Variants in ATF6 observed in about 807,000 individuals in gnomAD.
ATF6 encodes the protein activating transcription factor 6, also known as cyclic AMP-dependent transcription factor ATF-6 alpha.
In ATF6, 53 loss-of-function variants were observed where a neutral mutation model predicts 83.6. That is an observed-to-expected ratio of 0.63 (90% CI 0.51 to 0.80). The LOEUF (loss-of-function observed/expected upper bound fraction) is 0.80, where lower values mean the gene tolerates loss of function less well. Among genes scored for constraint, ATF6 ranks in the 30% least tolerant of loss-of-function variants. ATF6 has a pLI of 0.00. For missense variants in ATF6, 744 were observed against 797.9 expected (o/e 0.93, Z 0.81); for synonymous variants, 288 against 285.8 (o/e 1.01, Z -0.08).
intron 1 of ATF6, among the ~76,000 whole-genome samples, chr1:161,770,624 T>A (rs4657102): frequency 0.13 from 20,002 of 152,210 alleles, 1,826 homozygotes; most frequent in East Asian, 0.31. Flanking sequence ...TCCTAAAGAC[T>A]GTATCTCTCG....
chr1:161,906,856 A>G (rs1461884926), intron 14 of ATF6, among the ~76,000 whole-genome samples: 2 of 152,206 alleles, frequency 1.3e-5, no homozygotes, highest in Non-Finnish European at 2.9e-5. Context: ...AGCTATTTAT[A>G]TGAACTATTT....
Position 161,963,390 on chromosome 1 carries a change from G to T in ATF6, c.*4736G>T, listed in dbSNP as rs1330081930. 4 of 152,302 alleles carry T rather than the reference G, an allele frequency of 2.6e-5. No homozygotes were observed. The East Asian group carries it at 7.7e-4, about 29-fold the overall frequency. 9.4% of individuals were successfully genotyped at this position (152,302 alleles called of 1,614,324 possible). A position where few individuals can be genotyped will look rare whatever the true frequency, so the allele number is the denominator to read the frequency against. ...ATGGCCAGCCACTGTCACATAGTGGGTGCCATTCTCAACATATTGGTTTGC... is the reference window on the plus strand; with the variant it reads ...ATGGCCAGCCACTGTCACATAGTGGTTGCCATTCTCAACATATTGGTTTGC... On this transcript the variant is annotated 3_prime_UTR_variant, in exon 16 of 16. Transcript: ENST00000367942.
intron 7 of ATF6, among the ~76,000 whole-genome samples, chr1:161,813,948 G>C (rs1001065925): frequency 2.7e-5 from 4 of 148,536 alleles, no homozygotes; most frequent in African/African-American, 5.0e-5. Context: ...GCAATGGTGT[G>C]ATCTCGGCTC....
rs542258049 is a variant in ATF6, at chr1:161,869,885, A to G, written c.1719+6573A>G. On this transcript the variant is annotated intron_variant, in intron 14 of 15. Transcript: ENST00000367942. ...ATACATAATCTTAGCAATTCCTTAC[A>G]TATAATCACAAGTATTCTTAGTCCT... is the stretch of plus-strand genomic sequence containing the variant. Among the ~76,000 whole-genome samples, 77 of 151,942 alleles carry G rather than the reference A, an allele frequency of 5.1e-4. No homozygotes were observed. In the Middle Eastern group the frequency reaches 0.014, roughly 27 times the overall value.
intron 7 of ATF6, among the ~76,000 whole-genome samples, chr1:161,811,922 TAATAA>T (rs2101770377): frequency 6.6e-6 from 1 of 152,328 alleles, no homozygotes; most frequent in South Asian, 2.1e-4. Context: ...TAATTTACAT[TAATAA>T]AATAGTTCAA....
At chr1:161,816,577 G>A (rs1481072957) in intron 7 of ATF6, among the ~76,000 whole-genome samples, 1 of 152,074 alleles carries the variant, frequency 6.6e-6, no homozygotes, top group Non-Finnish European at 1.5e-5. Context: ...TCTTAACAGT[G>A]GATTAAATGA....
At chr1:161,837,914 T>C (rs1686261879) in intron 9 of ATF6, among the ~76,000 whole-genome samples, 1 of 152,238 alleles carries the variant, frequency 6.6e-6, no homozygotes, top group African/African-American at 2.4e-5. Flanking sequence ...GCAGGTATTA[T>C]TATTCCTGAT....
intron 4 of ATF6, among the ~76,000 whole-genome samples, chr1:161,786,278 G>T (rs12037837): frequency 6.6e-6 from 1 of 151,960 alleles, no homozygotes; most frequent in African/African-American, 2.4e-5. Context: ...GAGACACTGC[G>T]CCCGGCCGTT....
At chr1:161,941,730 A>C (rs779254865) in intron 15 of ATF6, among the ~76,000 whole-genome samples, 19 of 152,226 alleles carry the variant, frequency 1.2e-4, no homozygotes, top group Non-Finnish European at 2.2e-4. Context: ...TATAAGAAGC[A>C]GATTAGGATA....
In ATF6 at chr1:161,961,489, C is replaced by A. The variant is rs995560652; in HGVS notation, c.*2835C>A. On this transcript the variant is annotated 3_prime_UTR_variant, in exon 16 of 16. Transcript: ENST00000367942. ...AATTGCTGGCAAAGCTATAATTAAT[C>A]CCTAGGCACAATTGTAGTTTTTATT... The A allele has an allele frequency of 6.6e-6, 1 of 152,080 alleles. No individual in the cohort carries two copies. Among genetic ancestry groups the A allele is most frequent in the African/African-American group, 2.4e-5 (1 of 41,390 alleles). The allele number at this position is 152,080 out of a possible 1,614,324, so 9.4% of individuals were successfully genotyped here. A position where few individuals can be genotyped will look rare whatever the true frequency, so the allele number is the denominator to read the frequency against.
chr1:161,771,462 G>A (rs1174240981), intron 1 of ATF6, among the ~76,000 whole-genome samples: 2 of 152,146 alleles, frequency 1.3e-5, no homozygotes, highest in African/African-American at 4.8e-5. Context: ...TCACCATAGG[G>A]CCTCTGTTGG....
chr1:161,794,956 G>A (rs1684979672), intron 6 of ATF6, among the ~76,000 whole-genome samples: 1 of 152,168 alleles, frequency 6.6e-6, no homozygotes, highest in Non-Finnish European at 1.5e-5. Context: ...AGGTGTCTAG[G>A]ATGACTTCCG....
intron 15 of ATF6, among the ~76,000 whole-genome samples, chr1:161,936,573 A>G (rs1688540374): frequency 6.6e-6 from 1 of 152,180 alleles, no homozygotes; most frequent in Non-Finnish European, 1.5e-5. Flanking sequence ...ATTTTGACAT[A>G]TTAAATTTCA....
At chr1:161,901,973 C>CA (rs956534397) in intron 14 of ATF6, among the ~76,000 whole-genome samples, 21 of 152,014 alleles carry the variant, frequency 1.4e-4, no homozygotes, top group Non-Finnish European at 2.5e-4. Flanking sequence ...TATACAATGT[C>CA]AAAAAATCAC....
intron 6 of ATF6, among the ~76,000 whole-genome samples, chr1:161,793,130 A>T (rs1264925982): frequency 6.6e-6 from 1 of 152,206 alleles, no homozygotes; most frequent in East Asian, 1.9e-4. Flanking sequence ...TTTGTACTGT[A>T]TCTCCAATTG....
rs1241926156 is a variant in ATF6 at position 161,912,341 on chromosome 1, C to A, written c.1765C>A (p.Pro589Thr). ...TACCACCCATAACAAGACCACAAGACCAAAAATGTCAATTGTGTTACCAGC... is the reference window on the plus strand; with the variant it reads ...TACCACCCATAACAAGACCACAAGAACAAAAATGTCAATTGTGTTACCAGC... The part of the protein sequence containing the change: ...PATTHNKTTR[P>T]KMSIVLPAIN... The change falls in exon 15 of 16, where the codon CCA becomes ACA. Residue 589 changes from proline (P) to threonine (T), a missense_variant. By Grantham distance (38) the Pro-to-Thr change is conservative. Transcript: ENST00000367942. The A allele has an allele frequency of 6.2e-7, 1 of 1,609,992 alleles. No individual in the cohort carries two copies. Among genetic ancestry groups the A allele is most frequent in the Non-Finnish European group, 8.5e-7 (1 of 1,178,306 alleles).
chr1:161,811,747 C>CCCACCATCCAA (rs1685466518), intron 7 of ATF6, among the ~76,000 whole-genome samples: 1 of 148,506 alleles, frequency 6.7e-6, no homozygotes, highest in African/African-American at 2.5e-5. Context: ...CACCCATCCA[C>CCCACCATCCAA]CCACCATCCA....
intron 15 of ATF6, among the ~76,000 whole-genome samples, chr1:161,943,598 A>G (rs2101912013): frequency 6.6e-6 from 1 of 152,074 alleles, no homozygotes; most frequent in East Asian, 1.9e-4. Context: ...ACTATTCCTC[A>G]GATACTCAGG....
At chr1:161,784,245 G>T in intron 4 of ATF6, 149 bp downstream of exon 4, 1 of 603,772 alleles carries the variant, frequency 1.7e-6, no homozygotes, top group Non-Finnish European at 2.8e-6. Context: ...AAAGAGCCTT[G>T]TGGGAGCTAG....
Sources: allele counts gnomAD v4.1 joint callset (sites outside exome capture counted in the v4.1 genomes callset), GRCh38; gene constraint gnomAD v4.1.1; transcripts MANE v1.5; gene names NCBI Gene and HGNC (gene_info 2026-07-23, HGNC 2026-07-21).